The following CDH8 variants were observed in gnomAD, a reference collection of about 807,000 sequenced individuals.
The protein encoded by CDH8 is cadherin-8.
In CDH8, 17 loss-of-function variants were observed where a neutral mutation model predicts 68.1. The observed-to-expected ratio is 0.25, with a 90% CI of 0.17 to 0.37. CDH8 has a LOEUF of 0.37. Ranked by LOEUF, CDH8 falls within the 10% of genes least tolerant of loss-of-function variation. The pLI, the probability that CDH8 is intolerant of heterozygous loss-of-function variation, is 1.00. For missense variants in CDH8, 763 were observed against 999.3 expected (o/e 0.76, Z 3.19); for synonymous variants, 372 against 365.1 (o/e 1.02, Z -0.21).
chr16:62,000,561 G>A (rs1965878573), intron 2 of CDH8, among the ~76,000 whole-genome samples: 1 of 152,216 alleles, frequency 6.6e-6, no homozygotes, highest in South Asian at 2.1e-4. Context: ...ACTAGTGTTA[G>A]ATGGTTTTAT....
intron 8 of CDH8, among the ~76,000 whole-genome samples, chr16:61,736,112 A>AAAGAAAGGAAGGAAGGAAGGAAGGAAGG (rs776989465): frequency 1.3e-4 from 15 of 116,528 alleles, no homozygotes; most frequent in African/African-American, 4.0e-4. Flanking sequence ...AGAAAGAAAG[A>AAAGAAAGGAAGGAAGGAAGGAAGGAAGG]AAGGAAGGAA....
intron 2 of CDH8, among the ~76,000 whole-genome samples, chr16:61,936,613 A>T (rs185116835): frequency 1.6e-4 from 24 of 152,288 alleles, no homozygotes; most frequent in Non-Finnish European, 2.6e-4. Flanking sequence ...AAGGATCATC[A>T]TCCTTCTGAT....
At chr16:61,849,155 C>T (rs755223254) in intron 4 of CDH8, among the ~76,000 whole-genome samples, 1 of 152,050 alleles carries the variant, frequency 6.6e-6, no homozygotes, top group Non-Finnish European at 1.5e-5. Context: ...TTTCTCCATA[C>T]TCTCTTTTGT....
chr16:62,027,213 C>T (rs111687383), intron 1 of CDH8, among the ~76,000 whole-genome samples: 109 of 152,230 alleles, frequency 7.2e-4, no homozygotes, highest in African/African-American at 2.5e-3. Flanking sequence ...GGGTAAAATA[C>T]TTAAAATCTG....
chr16:61,704,732 T>C (rs527323424), intron 10 of CDH8, among the ~76,000 whole-genome samples: 6 of 152,224 alleles, frequency 3.9e-5, no homozygotes, highest in Admixed American at 1.3e-4. Flanking sequence ...TTGGGACTTG[T>C]CTGATTTTAA....
At chr16:61,909,655 C>T (rs72798790) in intron 2 of CDH8, among the ~76,000 whole-genome samples, 12,542 of 152,090 alleles carry the variant, frequency 0.082, 596 homozygotes, top group African/African-American at 0.11. Context: ...GAGGAGTAGA[C>T]AGAATAGAGA....
chr16:61,670,174 C>A (rs1250587273), intron 10 of CDH8, among the ~76,000 whole-genome samples: 2 of 152,072 alleles, frequency 1.3e-5, no homozygotes, highest in African/African-American at 2.4e-5. Context: ...CTCACTTCTT[C>A]CTTACAAATG....
intron 2 of CDH8, among the ~76,000 whole-genome samples, chr16:61,921,888 G>A (rs530337258): frequency 1.3e-3 from 203 of 152,142 alleles, no homozygotes; most frequent in African/African-American, 4.3e-3. Context: ...AAACTTAGTC[G>A]GGCACGGTGG....
At position 61,774,697 on chromosome 16, in the gene CDH8, C is replaced by A. The variant is rs190494252; in HGVS notation, c.1414+14649G>T. ...TTTAACCAATATTTATTAGGAGCCC[C>A]AAAGCACTATGGTAGGCCCACAGGA... is the stretch of plus-strand genomic sequence containing the variant. On this transcript the variant is annotated intron_variant, in intron 8 of 11. Coordinates refer to ENST00000577390, the MANE Select transcript of CDH8 (RefSeq NM_001796.5). 4.3e-3 allele frequency among the ~76,000 whole-genome samples: 659 copies of A among 152,090 alleles called. 6 individuals are homozygous for A. The highest frequency in any genetic ancestry group is 4.8e-3 in the Non-Finnish European group (329 of 67,974).
chr16:61,712,586 A>G (rs1964651543), intron 10 of CDH8, among the ~76,000 whole-genome samples: 1 of 151,604 alleles, frequency 6.6e-6, no homozygotes, highest in Non-Finnish European at 1.5e-5. Flanking sequence ...GATTTCCATT[A>G]AAAAATATTG....
chr16:61,689,650 C>T (rs7499353), intron 10 of CDH8, among the ~76,000 whole-genome samples: 9,366 of 151,984 alleles, frequency 0.062, 1,004 homozygotes, highest in African/African-American at 0.21. Context: ...AAAAGTGAAA[C>T]CATCGTTTTG....
Position 61,885,614 on chromosome 16 carries a change from G to A in CDH8, c.547+15565C>T, listed in dbSNP as rs199813933. ...TTTCATTTAAGTTTGACATTGTAACGTGTTACATATACATAAACGTGTGGG... is the reference window on the plus strand; with the variant it reads ...TTTCATTTAAGTTTGACATTGTAACATGTTACATATACATAAACGTGTGGG... On this transcript the variant is annotated intron_variant, in intron 3 of 11. Coordinates refer to ENST00000577390, the MANE Select transcript of CDH8 (RefSeq NM_001796.5). Among the ~76,000 whole-genome samples, 13 of 151,072 alleles carry A rather than the reference G, an allele frequency of 8.6e-5. No individual in the cohort carries two copies. In the East Asian group the frequency reaches 2.0e-3, roughly 23 times the overall value.
chr16:61,924,503 T>C (rs1964426532), intron 2 of CDH8, among the ~76,000 whole-genome samples: 1 of 152,046 alleles, frequency 6.6e-6, no homozygotes, highest in African/African-American at 2.4e-5. Flanking sequence ...CTTCCCCACC[T>C]CTGACCTCTA....
intron 2 of CDH8, among the ~76,000 whole-genome samples, chr16:62,015,455 A>G (rs964212528): frequency 6.6e-6 from 1 of 152,122 alleles, no homozygotes; most frequent in Non-Finnish European, 1.5e-5. Context: ...TCTTAAATAT[A>G]TAATATCTTA....
chr16:61,653,000 C>G lies in CDH8; in HGVS notation c.*608G>C, dbSNP rs141542119. ...ACGAACATGTGAATATTTTAAGGCTCGACACAATATTTAAAGATGCTATTC... is the reference window on the plus strand; with the variant it reads ...ACGAACATGTGAATATTTTAAGGCTGGACACAATATTTAAAGATGCTATTC... On this transcript the variant is annotated 3_prime_UTR_variant, in exon 12 of 12. Transcript: ENST00000577390. 6.2e-5 allele frequency: 91 copies of G among 1,456,258 alleles called. No homozygotes were observed. The highest frequency in any genetic ancestry group is 4.2e-4 in the Admixed American group (17 of 40,864). 90.2% of individuals were successfully genotyped at this position (1,456,258 alleles called of 1,614,324 possible).
intron 7 of CDH8, among the ~76,000 whole-genome samples, chr16:61,809,896 G>A (rs1961898088): frequency 6.6e-6 from 1 of 152,202 alleles, no homozygotes; most frequent in African/African-American, 2.4e-5. Context: ...GGAATTCAAA[G>A]TGACCCGGTC....
At chr16:61,686,327 C>T (rs1034231722) in intron 10 of CDH8, among the ~76,000 whole-genome samples, 34 of 151,996 alleles carry the variant, frequency 2.2e-4, no homozygotes, top group Admixed American at 1.3e-3. Context: ...TAGTCACCTA[C>T]GCTATACAGG....
At chr16:61,950,322 C>G (rs1964873153) in intron 2 of CDH8, among the ~76,000 whole-genome samples, 1 of 152,116 alleles carries the variant, frequency 6.6e-6, no homozygotes, top group Non-Finnish European at 1.5e-5. Flanking sequence ...TGAGAAGCAG[C>G]TCTTCATAAG....
At chr16:61,753,092 CAAG>C (rs2142951869) in intron 8 of CDH8, among the ~76,000 whole-genome samples, 1 of 151,730 alleles carries the variant, frequency 6.6e-6, no homozygotes, top group South Asian at 2.1e-4. Context: ...GTGTGATGAG[CAAG>C]AAGATTTTTT....
Sources: gnomAD v4.1 joint callset for allele counts (sites outside exome capture counted in the v4.1 genomes callset) on GRCh38, gnomAD v4.1.1 for gene constraint, MANE v1.5 for transcripts, NCBI Gene and HGNC (gene_info 2026-07-23, HGNC 2026-07-21) for gene names.